The following GABRA2 variants were observed in gnomAD, a reference collection of about 807,000 sequenced individuals.
The protein encoded by GABRA2 is gamma-aminobutyric acid receptor subunit alpha-2.
In GABRA2, 16 loss-of-function variants were observed where a neutral mutation model predicts 48.7. The ratio of observed to expected loss-of-function variants is 0.33; its 90% CI spans 0.22 to 0.50. The LOEUF (loss-of-function observed/expected upper bound fraction) is 0.50. Among genes scored for constraint, GABRA2 ranks in the 20% least tolerant of loss-of-function variants. The pLI is 0.98. For missense variants in GABRA2, 275 were observed against 535.6 expected (o/e 0.51, Z 4.80); for synonymous variants, 185 against 184.5 (o/e 1.00, Z -0.02).
At chr4:46,310,120 G>A in intron 6 of GABRA2, 53 bp downstream of exon 6, 1 of 1,316,812 alleles carries the variant, frequency 7.6e-7, no homozygotes, top group African/African-American at 1.4e-5. Context: ...CAGTGCTGCT[G>A]ACTTTCCCTG....
At chr4:46,252,889 T>C (rs1715070365) in intron 9 of GABRA2, among the ~76,000 whole-genome samples, 1 of 151,476 alleles carries the variant, frequency 6.6e-6, no homozygotes, top group Non-Finnish European at 1.5e-5. Flanking sequence ...TAAAGGTATA[T>C]CAAACTGTTG....
chr4:46,254,695 T>C (rs3822051), intron 9 of GABRA2, among the ~76,000 whole-genome samples: 26,608 of 151,532 alleles, frequency 0.18, 2,955 homozygotes, highest in Non-Finnish European at 0.25. Flanking sequence ...TTGTAAGTAA[T>C]TCTCATGGCT....
At chr4:46,303,866 C>G (rs556730783) in intron 7 of GABRA2, among the ~76,000 whole-genome samples, 1 of 152,076 alleles carries the variant, frequency 6.6e-6, no homozygotes, top group African/African-American at 2.4e-5. Context: ...ATGTAAAATA[C>G]GTGGAACTAG....
At chr4:46,263,912 T>TTCTCTCTCTCTCTCTC (rs3068324) in intron 8 of GABRA2, among the ~76,000 whole-genome samples, 3 of 144,994 alleles carry the variant, frequency 2.1e-5, no homozygotes, top group African/African-American at 7.6e-5. Flanking sequence ...ATTAGATCAA[T>TTCTCTCTCTCTCTCTC]TCTCTCTCTC....
intron 3 of GABRA2, among the ~76,000 whole-genome samples, chr4:46,333,136 T>C (rs561507520): frequency 1.3e-5 from 2 of 152,222 alleles, no homozygotes; most frequent in Non-Finnish European, 2.9e-5. Flanking sequence ...ATCTTCTCCA[T>C]ACAGCACAAA....
intron 9 of GABRA2, among the ~76,000 whole-genome samples, chr4:46,260,443 G>A (rs1716729043): frequency 6.6e-6 from 1 of 151,756 alleles, no homozygotes; most frequent in South Asian, 2.1e-4. Flanking sequence ...AGGTACTTCT[G>A]TTTTCCAAAG....
chr4:46,352,882 A>G (rs1171169574), intron 3 of GABRA2, among the ~76,000 whole-genome samples: 1 of 152,080 alleles, frequency 6.6e-6, no homozygotes, highest in African/African-American at 2.4e-5. Flanking sequence ...GAGTAAGTTT[A>G]ACCCAGCTGT....
chr4:46,250,105 G>C lies in GABRA2; in HGVS notation c.*203C>G. 1 of 500,692 alleles carries C rather than the reference G, an allele frequency of 2.0e-6. No homozygotes were observed. 31.0% of individuals were successfully genotyped at this position (500,692 alleles called of 1,614,324 possible). A position where few individuals can be genotyped will look rare whatever the true frequency, so the allele number is the denominator to read the frequency against. On this transcript the variant is annotated 3_prime_UTR_variant, in exon 10 of 10. Transcript: ENST00000381620. ...TAAATCTTTAAAAAAGGCAATGGCT[G>C]TTTTCGCATGGAGTGCTTTCTGTCT... is the stretch of plus-strand genomic sequence containing the variant.
chr4:46,252,257 A>C (rs879907482), intron 9 of GABRA2, among the ~76,000 whole-genome samples: 2 of 151,546 alleles, frequency 1.3e-5, no homozygotes, highest in Non-Finnish European at 3.0e-5. Context: ...ATGAGAGATC[A>C]CCATTTGTAA....
intron 7 of GABRA2, 136 bp downstream of exon 7, chr4:46,305,432 G>T: frequency 3.4e-6 from 2 of 580,120 alleles, no homozygotes; most frequent in Non-Finnish European, 5.7e-6. Context: ...AAAAAAACAA[G>T]CTCCCAAGCA....
intron 8 of GABRA2, 120 bp from the exon 9 acceptor site, chr4:46,262,248 TAATA>T: frequency 1.6e-6 from 1 of 608,604 alleles, no homozygotes; most frequent in Non-Finnish European, 2.9e-6. Flanking sequence ...CACTAAATAA[TAATA>T]AATAAATGAA....
At chr4:46,259,324 G>A (rs1716487032) in intron 9 of GABRA2, among the ~76,000 whole-genome samples, 1 of 151,768 alleles carries the variant, frequency 6.6e-6, no homozygotes, top group Admixed American at 6.6e-5. Context: ...ATCTGATCCA[G>A]CACTGTATTT....
chr4:46,327,793 A>G (rs1730642893), intron 4 of GABRA2, among the ~76,000 whole-genome samples: 1 of 152,046 alleles, frequency 6.6e-6, no homozygotes, highest in African/African-American at 2.4e-5. Context: ...CCAAGGTCAT[A>G]CTTACCAGAC....
At position 46,270,137 on chromosome 4, in the gene GABRA2, A is replaced by G. The variant is rs79283199; in HGVS notation, c.857-8009T>C. On this transcript the variant is annotated intron_variant, in intron 8 of 9. Coordinates refer to ENST00000381620, the MANE Select transcript of GABRA2 (RefSeq NM_000807.4). Reference sequence around the variant, plus strand: ...TTCATTCTAGGCAATGAAACATTACAGCAATTTTAATATAAATCTACTATG... The same window carrying G: ...TTCATTCTAGGCAATGAAACATTACGGCAATTTTAATATAAATCTACTATG... Among the ~76,000 whole-genome samples the G allele has an allele frequency of 7.5e-3, 1,148 of 152,130 alleles. 15 individuals are homozygous for G. The highest frequency in any genetic ancestry group is 0.026 in the African/African-American group (1,083 of 41,556).
intron 9 of GABRA2, among the ~76,000 whole-genome samples, chr4:46,253,014 T>G (rs1403843353): frequency 6.6e-6 from 1 of 151,412 alleles, no homozygotes; most frequent in Non-Finnish European, 1.5e-5. Context: ...GTGTACAAGA[T>G]GTAAAGGCAA....
chr4:46,362,772 T>C (rs2109965064), intron 3 of GABRA2, among the ~76,000 whole-genome samples: 1 of 152,308 alleles, frequency 6.6e-6, no homozygotes, highest in South Asian at 2.1e-4. Context: ...TCTTAGCTGA[T>C]TTACATGCAG....
chr4:46,272,382 C>A (rs1719505893), intron 8 of GABRA2, among the ~76,000 whole-genome samples: 1 of 151,850 alleles, frequency 6.6e-6, no homozygotes, highest in Admixed American at 6.6e-5. Flanking sequence ...AATCTGTAAT[C>A]AATAAATATT....
Position 46,247,806 on chromosome 4 carries a change from C to T in GABRA2, c.*2502G>A, listed in dbSNP as rs1436883819. ...TTTAAAAGCAATTTCCACGGAGCATCCCTAGTCTCCCCACAAGAGAAGAAG... is the reference window on the plus strand; with the variant it reads ...TTTAAAAGCAATTTCCACGGAGCATTCCTAGTCTCCCCACAAGAGAAGAAG... On this transcript the variant is annotated 3_prime_UTR_variant, in exon 10 of 10. Coordinates refer to ENST00000381620, the MANE Select transcript of GABRA2 (RefSeq NM_000807.4). Among the ~76,000 whole-genome samples the T allele has an allele frequency of 6.6e-6, 1 of 151,146 alleles. No individual in the cohort carries two copies. Among genetic ancestry groups the T allele is most frequent in the African/African-American group, 2.4e-5 (1 of 41,284 alleles).
At chr4:46,377,954 C>T (rs1716129874) in intron 3 of GABRA2, among the ~76,000 whole-genome samples, 1 of 151,252 alleles carries the variant, frequency 6.6e-6, no homozygotes. Flanking sequence ...AGCCCCTCTG[C>T]CCGGCCAGCC....
Sources: allele counts gnomAD v4.1 joint callset (sites outside exome capture counted in the v4.1 genomes callset), GRCh38; gene constraint gnomAD v4.1.1; transcripts MANE v1.5; gene names NCBI Gene and HGNC (gene_info 2026-07-23, HGNC 2026-07-21).